The following ZNRF2 variants were observed in gnomAD, a reference collection of about 807,000 sequenced individuals.
The protein encoded by ZNRF2 is E3 ubiquitin-protein ligase ZNRF2.
ZNRF2 carries 16 observed loss-of-function variants against 20.4 expected under a neutral mutation model. That is an observed-to-expected ratio of 0.79 (90% confidence interval 0.53 to 1.19). ZNRF2 has a LOEUF of 1.19. Ranked by LOEUF, ZNRF2 falls within the 50% of genes most tolerant of loss-of-function variation. The probability of loss-of-function intolerance (pLI) is 0.00; values close to 1 mark genes in which losing one functional copy is unlikely to be tolerated. For missense variants in ZNRF2, 363 were observed against 332.4 expected, an observed-to-expected ratio of 1.09 and a Z score of -0.72; for synonymous variants, 178 against 144.9, an observed-to-expected ratio of 1.23 and a Z score of -1.64.
At chr7:30,317,146 C>A (rs1349891618) in intron 1 of ZNRF2, among the ~76,000 whole-genome samples, 1 of 152,202 alleles carries the variant, frequency 6.6e-6, no homozygotes, top group African/African-American at 2.4e-5. Flanking sequence ...TTGTGCCATT[C>A]TTGCCTCTAG....
chr7:30,310,768 A>C (rs770868555), intron 1 of ZNRF2, among the ~76,000 whole-genome samples: 2 of 152,170 alleles, frequency 1.3e-5, no homozygotes, highest in Non-Finnish European at 2.9e-5. Context: ...TGTGGCATAC[A>C]GGACTGAATG....
At chr7:30,339,443 T>C (rs1253643244) in intron 2 of ZNRF2, among the ~76,000 whole-genome samples, 2 of 152,226 alleles carry the variant, frequency 1.3e-5, no homozygotes, top group Non-Finnish European at 2.9e-5. Flanking sequence ...TTAATTTTTA[T>C]ATAAGGTGTA....
intron 2 of ZNRF2, among the ~76,000 whole-genome samples, chr7:30,353,008 C>A (rs1799982536): frequency 6.6e-6 from 1 of 152,038 alleles, no homozygotes; most frequent in Admixed American, 6.6e-5. Flanking sequence ...AGAGAGGGGA[C>A]TACTCTAGCA....
At position 30,366,608 on chromosome 7, in the gene ZNRF2, C is replaced by T. The variant is rs954517955; in HGVS notation, c.*596C>T. On this transcript the variant is annotated 3_prime_UTR_variant, in exon 5 of 5. Coordinates refer to ENST00000323037, the MANE Select transcript of ZNRF2 (RefSeq NM_147128.4). ...TCAAGTTCTTCCATTTTCTCCCCCACGAGTGGAAAATAGACTTCTACATAG... is the reference window on the plus strand; with the variant it reads ...TCAAGTTCTTCCATTTTCTCCCCCATGAGTGGAAAATAGACTTCTACATAG... 1 of 152,348 alleles carries T rather than the reference C, an allele frequency of 6.6e-6. No individual in the cohort carries two copies. 9.4% of individuals were successfully genotyped at this position (152,348 alleles called of 1,614,324 possible).
intron 1 of ZNRF2, among the ~76,000 whole-genome samples, chr7:30,294,841 G>A (rs1420251366): frequency 2.6e-5 from 4 of 151,966 alleles, no homozygotes; most frequent in Non-Finnish European, 5.9e-5. Context: ...AGTTGTAAAG[G>A]ATAGAAGCAT....
At chr7:30,360,113 C>T (rs1158595222) in intron 3 of ZNRF2, among the ~76,000 whole-genome samples, 2 of 152,176 alleles carry the variant, frequency 1.3e-5, no homozygotes, top group African/African-American at 2.4e-5. Flanking sequence ...CCTAGAGAAA[C>T]TCTTGATCTT....
intron 1 of ZNRF2, among the ~76,000 whole-genome samples, chr7:30,312,821 T>C (rs1291321880): frequency 6.6e-6 from 1 of 152,220 alleles, no homozygotes; most frequent in African/African-American, 2.4e-5. Flanking sequence ...GAATTTGTTA[T>C]CTGGTTGCTA....
chr7:30,326,174 G>T (rs1799548611), intron 2 of ZNRF2, among the ~76,000 whole-genome samples: 1 of 152,008 alleles, frequency 6.6e-6, no homozygotes, highest in South Asian at 2.1e-4. Context: ...TACATGTGCA[G>T]GTTTGTTATA....
intron 1 of ZNRF2, among the ~76,000 whole-genome samples, chr7:30,308,790 C>T (rs1338420295): frequency 6.6e-6 from 1 of 151,848 alleles, no homozygotes; most frequent in Non-Finnish European, 1.5e-5. Flanking sequence ...TGAGTATTTT[C>T]TGAGTTACTT....
intron 1 of ZNRF2, among the ~76,000 whole-genome samples, chr7:30,309,051 AAATT>A (rs1799251886): frequency 6.6e-6 from 1 of 152,192 alleles, no homozygotes. Flanking sequence ...CTGTATAAAT[AAATT>A]CATATATAGA....
chr7:30,305,867 A>G (rs1799192075), intron 1 of ZNRF2, among the ~76,000 whole-genome samples: 1 of 152,150 alleles, frequency 6.6e-6, no homozygotes, highest in African/African-American at 2.4e-5. Flanking sequence ...TATTACATTC[A>G]TCTGTCATAC....
rs373685092 is a variant in ZNRF2, at chr7:30,323,747, A to G, written c.565+10A>G. The G allele has an allele frequency of 2.0e-5, 28 of 1,433,852 alleles. No homozygotes were observed. The highest frequency in any genetic ancestry group is 1.2e-4 in the Admixed American group (5 of 40,034). The allele number at this position is 1,433,852 out of a possible 1,614,324, so 88.8% of individuals were successfully genotyped here. A position where few individuals can be genotyped will look rare whatever the true frequency, so the allele number is the denominator to read the frequency against. ...CGAATAACCTATAATGGTAAGTCCAATGGTTTAAAATAATATTTTAAGTTA... is the reference window on the plus strand; with the variant it reads ...CGAATAACCTATAATGGTAAGTCCAGTGGTTTAAAATAATATTTTAAGTTA... On this transcript the variant is annotated intron_variant, in intron 2 of 4. Coordinates refer to ENST00000323037, the MANE Select transcript of ZNRF2 (RefSeq NM_147128.4).
At chr7:30,302,163 TTACTG>T (rs1799127311) in intron 1 of ZNRF2, among the ~76,000 whole-genome samples, 1 of 152,210 alleles carries the variant, frequency 6.6e-6, no homozygotes, top group Non-Finnish European at 1.5e-5. Flanking sequence ...TTTTTAAAAA[TTACTG>T]TATGTAGCAA....
intron 2 of ZNRF2, 140 bp from the exon 3 acceptor site, chr7:30,355,588 G>T: frequency 1.7e-6 from 1 of 588,028 alleles, no homozygotes. Context: ...AAATACACGT[G>T]CTGAGTTTTA....
chr7:30,364,537 A>G (rs1464634772), intron 4 of ZNRF2, among the ~76,000 whole-genome samples: 1 of 152,182 alleles, frequency 6.6e-6, no homozygotes, highest in Non-Finnish European at 1.5e-5. Flanking sequence ...TAAGAGAAGT[A>G]TAGTGGTGGA....
intron 1 of ZNRF2, among the ~76,000 whole-genome samples, chr7:30,291,243 G>T (rs1019455929): frequency 2.6e-5 from 4 of 152,206 alleles, no homozygotes; most frequent in African/African-American, 9.6e-5. Flanking sequence ...AAAATAGAAA[G>T]TGGAGCCAGT....
rs1056988229 is a variant in ZNRF2, at chr7:30,362,504, A to G, written c.*22+48A>G. ...TTTAAAGCGTTAGCCCAAATTATAC[A>G]TTCTAAACTATAATTTTTATTTATT... On this transcript the variant is annotated intron_variant, in intron 4 of 4. Transcript: ENST00000323037. The G allele has an allele frequency of 1.2e-5, 13 of 1,129,112 alleles. No individual in the cohort carries two copies. In the African/African-American group the frequency reaches 2.0e-4, roughly 18 times the overall value. 69.9% of individuals were successfully genotyped at this position (1,129,112 alleles called of 1,614,324 possible).
chr7:30,339,657 G>T (rs529858730), intron 2 of ZNRF2, among the ~76,000 whole-genome samples: 11 of 152,106 alleles, frequency 7.2e-5, no homozygotes, highest in Non-Finnish European at 1.6e-4. Context: ...TGCTGCTTTG[G>T]TTACTGTAGC....
intron 1 of ZNRF2, among the ~76,000 whole-genome samples, chr7:30,304,229 T>G (rs1191066630): frequency 1.3e-5 from 2 of 152,156 alleles, no homozygotes; most frequent in Non-Finnish European, 1.5e-5. Flanking sequence ...CTCATTCATG[T>G]TTTTTAAGAT....
Sources: allele counts gnomAD v4.1 joint callset (sites outside exome capture counted in the v4.1 genomes callset), GRCh38; gene constraint gnomAD v4.1.1; transcripts MANE v1.5; gene names NCBI Gene and HGNC (gene_info 2026-07-23, HGNC 2026-07-21).